Variants in CCDC86 observed in about 807,000 individuals in gnomAD.
CCDC86 encodes the protein coiled-coil domain containing 86.
A neutral mutation model predicts 36.7 loss-of-function variants in CCDC86; 28 were observed. That is an observed-to-expected ratio of 0.76 (90% CI 0.57 to 1.05). The LOEUF is 1.05. Ranked by LOEUF, CCDC86 falls within the 50% of genes least tolerant of loss-of-function variation. The pLI, the probability that CCDC86 is intolerant of heterozygous loss-of-function variation, is 0.00. For synonymous variants in CCDC86, 199 were observed against 203.4 expected (o/e 0.98, Z 0.18); for missense variants, 453 against 470.2 (o/e 0.96, Z 0.34).
rs1161203112 is a variant in CCDC86 at position 60,850,545 on chromosome 11, C to T, written c.*220C>T. ...GCCTGGGACCTGGCAGAGATGGGGG[C>T]GGGAAGAGATTCAGCTCCCATCCCT... On this transcript the variant is annotated 3_prime_UTR_variant, in exon 4 of 4. Transcript: ENST00000227520. 18 of 565,940 alleles carry T rather than the reference C, an allele frequency of 3.2e-5. No individual in the cohort carries two copies. The highest frequency in any genetic ancestry group is 4.9e-5 in the Non-Finnish European group (16 of 325,454). 35.1% of individuals were successfully genotyped at this position (565,940 alleles called of 1,614,324 possible). A position where few individuals can be genotyped will look rare whatever the true frequency, so the allele number is the denominator to read the frequency against.
chr11:60,843,942 G>A (rs569677959), intron 1 of CCDC86, among the ~76,000 whole-genome samples: 26 of 152,344 alleles, frequency 1.7e-4, no homozygotes, highest in Non-Finnish European at 4.4e-5. Flanking sequence ...TTTACTGCAA[G>A]TCTCCCATGG....
At chr11:60,844,781 C>T (rs1855163136) in intron 1 of CCDC86, among the ~76,000 whole-genome samples, 1 of 152,138 alleles carries the variant, frequency 6.6e-6, no homozygotes, top group African/African-American at 2.4e-5. Context: ...GACTAGATGC[C>T]CCAGAGCCCA....
chr11:60,848,100 G>T, intron 2 of CCDC86, 47 bp downstream of exon 2: 1 of 1,600,594 alleles, frequency 6.2e-7, no homozygotes, highest in Non-Finnish European at 8.5e-7. Flanking sequence ...GACTAAGCTA[G>T]TGTCTACTGG....
rs1855141435 is a variant in CCDC86, at chr11:60,842,825, T to C, written c.701T>C (p.Val234Ala). The change falls in exon 1 of 4, where the codon GTA becomes GCA. Residue 234 changes from valine to alanine, a missense_variant. Coordinates refer to ENST00000227520, the MANE Select transcript of CCDC86 (RefSeq NM_024098.4). ...SKKLNKEELP[V>A]IPKGKPKSGR... ...AAGTTGAATAAAGAGGAGCTTCCTG[T>C]AATCCCGAAGGGGAAGCCCAAATCG... 1.2e-6 allele frequency: 2 copies of C among 1,601,230 alleles called. No individual in the cohort carries two copies. The highest frequency in any genetic ancestry group is 2.7e-5 in the African/African-American group (2 of 74,340).
intron 1 of CCDC86, among the ~76,000 whole-genome samples, chr11:60,844,302 G>C (rs1488090833): frequency 3.9e-5 from 6 of 152,196 alleles, no homozygotes; most frequent in African/African-American, 1.4e-4. Flanking sequence ...GAGAGGGTGT[G>C]TGGTTCCAGC....
At position 60,850,529 on chromosome 11, in the gene CCDC86, C is replaced by T. The variant is rs931596533; in HGVS notation, c.*204C>T. 8.2e-6 allele frequency: 5 copies of T among 607,498 alleles called. No individual in the cohort carries two copies. The highest frequency in any genetic ancestry group is 1.1e-5 in the Non-Finnish European group (4 of 360,634). The allele number at this position is 607,498 out of a possible 1,614,324, so 37.6% of individuals were successfully genotyped here. ...CAGAAGCCCAGAGGGGGCCTGGGACCTGGCAGAGATGGGGGCGGGAAGAGA... is the reference window on the plus strand; with the variant it reads ...CAGAAGCCCAGAGGGGGCCTGGGACTTGGCAGAGATGGGGGCGGGAAGAGA... On this transcript the variant is annotated 3_prime_UTR_variant, in exon 4 of 4. Transcript: ENST00000227520.
In CCDC86 at chr11:60,842,835, G is replaced by C. The variant is rs1342845038; in HGVS notation, c.711G>C (p.Lys237Asn). ...LNKEELPVIP[K>N]GKPKSGRVWK... ...AAGAGGAGCTTCCTGTAATCCCGAAGGGGAAGCCCAAATCGGGGCGAGTGT... is the reference window on the plus strand; with the variant it reads ...AAGAGGAGCTTCCTGTAATCCCGAACGGGAAGCCCAAATCGGGGCGAGTGT... Residue 237 changes from lysine to asparagine, a missense_variant, in exon 1 of 4, where the codon AAG becomes AAC. Physicochemically the swap from Lys to Asn is moderately conservative, Grantham distance 94. Transcript: ENST00000227520. 6.3e-7 allele frequency: 1 copy of C among 1,595,932 alleles called. No homozygotes were observed. The highest frequency in any genetic ancestry group is 1.1e-5 in the South Asian group (1 of 89,296).
rs1412564436 is a variant in CCDC86 at position 60,842,805 on chromosome 11, G to A, written c.681G>A (p.Leu227=). 1 of 1,609,254 alleles carries A rather than the reference G, an allele frequency of 6.2e-7. No homozygotes were observed. Among genetic ancestry groups the A allele is most frequent in the Non-Finnish European group, 8.5e-7 (1 of 1,176,904 alleles). The change falls in exon 1 of 4, where the codon TTG becomes TTA. Residue 227 remains leucine (L), a synonymous_variant. Coordinates refer to ENST00000227520, the MANE Select transcript of CCDC86 (RefSeq NM_024098.4). Reference sequence around the variant, plus strand: ...CCCAGGCCCCAGCGTCCAAGAAGTTGAATAAAGAGGAGCTTCCTGTAATCC... The same window carrying A: ...CCCAGGCCCCAGCGTCCAAGAAGTTAAATAAAGAGGAGCTTCCTGTAATCC... ...SSSQAPASKK[L]NKEELPVIPK...
At chr11:60,849,056 TCTC>T (rs755179150) in intron 2 of CCDC86, among the ~76,000 whole-genome samples, 5 of 151,398 alleles carry the variant, frequency 3.3e-5, no homozygotes, top group Non-Finnish European at 7.4e-5. Context: ...AAGGCTCACT[TCTC>T]CTTCCTCCCC....
At position 60,842,419 on chromosome 11, in the gene CCDC86, C is replaced by G; in HGVS notation, c.295C>G (p.His99Asp). ...AASPQRQQDL[H>D]LESPQRQPEY... ...GTCCCCCCAGCGTCAGCAAGACCTA[C>G]ACCTGGAGTCGCCTCAAAGACAGCC... Residue 99 changes from histidine (H) to aspartate (D), a missense_variant, in exon 1 of 4, where the codon CAC becomes GAC. Transcript: ENST00000227520. The G allele has an allele frequency of 6.2e-7, 1 of 1,613,954 alleles. No homozygotes were observed. Among genetic ancestry groups the G allele is most frequent in the South Asian group, 1.1e-5 (1 of 91,080 alleles).
Position 60,842,821 on chromosome 11 carries a change from C to T in CCDC86, c.697C>T (p.Pro233Ser). The T allele has an allele frequency of 6.2e-7, 1 of 1,601,968 alleles. No homozygotes were observed. The highest frequency in any genetic ancestry group is 8.5e-7 in the Non-Finnish European group (1 of 1,172,666). Residue 233 changes from proline (P) to serine (S), a missense_variant, in exon 1 of 4, where the codon CCT becomes TCT. Coordinates refer to ENST00000227520, the MANE Select transcript of CCDC86 (RefSeq NM_024098.4). Reference sequence around the variant, plus strand: ...CAAGAAGTTGAATAAAGAGGAGCTTCCTGTAATCCCGAAGGGGAAGCCCAA... The same window carrying T: ...CAAGAAGTTGAATAAAGAGGAGCTTTCTGTAATCCCGAAGGGGAAGCCCAA... ...ASKKLNKEEL[P>S]VIPKGKPKSG...
At chr11:60,850,121 C>T (rs574617000) in intron 3 of CCDC86, 85 bp from the exon 4 acceptor site, 1 of 1,606,802 alleles carries the variant, frequency 6.2e-7, no homozygotes. Flanking sequence ...CGATCTCAGG[C>T]CCCTGTGGGG....
chr11:60,850,359 A>G lies in CCDC86; in HGVS notation c.*34A>G. On this transcript the variant is annotated 3_prime_UTR_variant, in exon 4 of 4. Coordinates refer to ENST00000227520, the MANE Select transcript of CCDC86 (RefSeq NM_024098.4). ...CGGCCCGAGGCCTTCCATGGCCAAC[A>G]ACCATGTCAGACACAGCACCTCAGG... The G allele has an allele frequency of 1.9e-6, 3 of 1,609,094 alleles. No individual in the cohort carries two copies. In the South Asian group the frequency reaches 3.3e-5, roughly 18 times the overall value.
intron 1 of CCDC86, among the ~76,000 whole-genome samples, chr11:60,846,841 T>C (rs1260354433): frequency 2.0e-5 from 3 of 152,042 alleles, no homozygotes; most frequent in Non-Finnish European, 4.4e-5. Context: ...CCCAAAGTGC[T>C]GGGATTACAG....
At chr11:60,845,987 G>A (rs1246464204) in intron 1 of CCDC86, among the ~76,000 whole-genome samples, 1 of 152,172 alleles carries the variant, frequency 6.6e-6, no homozygotes, top group African/African-American at 2.4e-5. Context: ...TAAAATTTAA[G>A]ATTCAGTTTC....
rs1855250416 is a variant in CCDC86 at position 60,850,576 on chromosome 11, C to G, written c.*251C>G. ...GAGATTCAGCTCCCATCCCTCCTTCCTCTCCTTCTCCAAGTGCCTTCAAAC... is the reference window on the plus strand; with the variant it reads ...GAGATTCAGCTCCCATCCCTCCTTCGTCTCCTTCTCCAAGTGCCTTCAAAC... On this transcript the variant is annotated 3_prime_UTR_variant, in exon 4 of 4. Coordinates refer to ENST00000227520, the MANE Select transcript of CCDC86 (RefSeq NM_024098.4). 5 of 510,890 alleles carry G rather than the reference C, an allele frequency of 9.8e-6. No homozygotes were observed. The Admixed American group carries it at 1.8e-4, about 18-fold the overall frequency. 31.6% of individuals were successfully genotyped at this position (510,890 alleles called of 1,614,324 possible). A position where few individuals can be genotyped will look rare whatever the true frequency, so the allele number is the denominator to read the frequency against.
At chr11:60,844,541 C>T (rs995834255) in intron 1 of CCDC86, among the ~76,000 whole-genome samples, 1 of 152,208 alleles carries the variant, frequency 6.6e-6, no homozygotes, top group Non-Finnish European at 1.5e-5. Context: ...GCCAGTCCCC[C>T]ACTCATGTTT....
chr11:60,848,919 T>C (rs563592427), intron 2 of CCDC86, among the ~76,000 whole-genome samples: 3 of 152,272 alleles, frequency 2.0e-5, no homozygotes, highest in Non-Finnish European at 2.9e-5. Flanking sequence ...TGAGGCCTTA[T>C]CTCTTTTCCT....
In CCDC86 at chr11:60,842,413, GACCTAC is replaced by G. The variant is rs757786947; in HGVS notation, c.294_299del (p.His99_Leu100del). ...CGCAGCGTCCCCCCAGCGTCAGCAA[GACCTAC>G]ACCTGGAGTCGCCTCAAAGACAGCC... On this transcript the variant is annotated inframe_deletion, in exon 1 of 4. Coordinates refer to ENST00000227520, the MANE Select transcript of CCDC86 (RefSeq NM_024098.4). The G allele has an allele frequency of 1.9e-6, 3 of 1,613,770 alleles. No homozygotes were observed. In the African/African-American group the frequency reaches 4.0e-5, roughly 22 times the overall value.
Sources: allele counts gnomAD v4.1 joint callset (sites outside exome capture counted in the v4.1 genomes callset), GRCh38; gene constraint gnomAD v4.1.1; transcripts MANE v1.5; gene names NCBI Gene and HGNC (gene_info 2026-07-23, HGNC 2026-07-21).